MDGA2: variants seen among roughly 807,000 people sequenced by gnomAD.
MDGA2 encodes MAM domain containing glycosylphosphatidylinositol anchor 2.
Under a neutral mutation model 117.8 loss-of-function variants are expected in MDGA2, and 40 were observed. That is an observed-to-expected ratio of 0.34 (90% CI 0.26 to 0.44). MDGA2 has a LOEUF of 0.44. MDGA2 is among the 20% of genes least tolerant of loss of function. MDGA2 has a pLI of 1.00. For missense variants in MDGA2, 1,123 were observed against 1,250.6 expected (o/e 0.90, Z 1.54); for synonymous variants, 452 against 439.0 (o/e 1.03, Z -0.37).
intron 3 of MDGA2, among the ~76,000 whole-genome samples, chr14:47,155,882 CTTCTTCTTTTTTTTTTTTTTTT>C (rs1566654625): frequency 4.4e-4 from 17 of 38,820 alleles, no homozygotes; most frequent in South Asian, 1.8e-3. Context: ...TTTTCTTCTT[CTTCTTCTTTTTTTTTTTTTTTT>C]TTTTTTTTTT....
intron 1 of MDGA2, among the ~76,000 whole-genome samples, chr14:47,665,995 G>C (rs1897950393): frequency 6.6e-6 from 1 of 151,966 alleles, no homozygotes; most frequent in South Asian, 2.1e-4. Context: ...CCTGGTGCGA[G>C]ATCCACTGGG....
At chr14:47,152,798 G>A (rs1883213437) in intron 3 of MDGA2, among the ~76,000 whole-genome samples, 1 of 152,154 alleles carries the variant, frequency 6.6e-6, no homozygotes, top group Non-Finnish European at 1.5e-5. Context: ...AAGGCTACCT[G>A]AAAAGATGAT....
At chr14:47,563,578 GTTTTTTTTTTTTTTTTTTTTTT>G (rs56244321) in intron 1 of MDGA2, among the ~76,000 whole-genome samples, 6 of 56,974 alleles carry the variant, frequency 1.1e-4, no homozygotes, top group Non-Finnish European at 1.9e-4. Flanking sequence ...GCTTTTTTCT[GTTTTTTTTTTTTTTTTTTTTTT>G]TTTTTTTTTG....
At chr14:47,507,599 T>A (rs1047679627) in intron 1 of MDGA2, among the ~76,000 whole-genome samples, 1 of 152,180 alleles carries the variant, frequency 6.6e-6, no homozygotes, top group Non-Finnish European at 1.5e-5. Flanking sequence ...TGGCTATAAA[T>A]TATCAGACAC....
At chr14:47,484,693 A>G (rs1387824524) in intron 1 of MDGA2, among the ~76,000 whole-genome samples, 2 of 152,000 alleles carry the variant, frequency 1.3e-5, no homozygotes, top group African/African-American at 2.4e-5. Flanking sequence ...TGTGGGAGGG[A>G]CCCCGTGGGA....
intron 9 of MDGA2, among the ~76,000 whole-genome samples, chr14:46,956,202 C>A (rs1885556559): frequency 6.6e-6 from 1 of 152,038 alleles, no homozygotes; most frequent in Admixed American, 6.6e-5. Context: ...TTTATGACTT[C>A]TTTTTAGATA....
chr14:47,245,618 C>A (rs1887211878), intron 2 of MDGA2, among the ~76,000 whole-genome samples: 2 of 151,578 alleles, frequency 1.3e-5, no homozygotes, highest in South Asian at 4.2e-4. Flanking sequence ...CTGTCCTGAC[C>A]ACAGAAAATT....
At chr14:47,180,993 G>C (rs969779492) in intron 3 of MDGA2, among the ~76,000 whole-genome samples, 2 of 152,106 alleles carry the variant, frequency 1.3e-5, no homozygotes, top group Middle Eastern at 3.4e-3. Flanking sequence ...AGAGGAAAAC[G>C]ATCATTTATA....
rs372934713 is a variant in MDGA2, at chr14:47,659,469, C to T, written c.280+15048G>A. ...TCTTAAGAAAGTCTAAATTAGCTTT[C>T]GTCACAGCCAAAGACATTTAAATGG... On this transcript the variant is annotated intron_variant, in intron 1 of 16. Transcript: ENST00000399232. Among the ~76,000 whole-genome samples the T allele has an allele frequency of 6.4e-4, 98 of 152,264 alleles. No homozygotes were observed. In the South Asian group the frequency reaches 0.019, roughly 29 times the overall value.
intron 1 of MDGA2, among the ~76,000 whole-genome samples, chr14:47,598,145 G>T (rs898499502): frequency 2.0e-5 from 3 of 152,118 alleles, no homozygotes; most frequent in African/African-American, 7.2e-5. Flanking sequence ...TATTATGAAG[G>T]TTATCATTTT....
chr14:47,489,574 G>A (rs1370950002), intron 1 of MDGA2, among the ~76,000 whole-genome samples: 1 of 152,014 alleles, frequency 6.6e-6, no homozygotes, highest in Non-Finnish European at 1.5e-5. Flanking sequence ...AAATGGCACT[G>A]ATAATCCAAA....
chr14:47,312,778 C>T (rs1889684209), intron 1 of MDGA2, among the ~76,000 whole-genome samples: 1 of 148,158 alleles, frequency 6.7e-6, no homozygotes, highest in Admixed American at 6.8e-5. Flanking sequence ...GATCCTCCCA[C>T]CTCTGCCTCC....
rs1428993297 is a variant in MDGA2 at position 47,042,326 on chromosome 14, TTTG to T, written c.1526-7025_1526-7023del. Among the ~76,000 whole-genome samples, 452 of 131,724 alleles carry T rather than the reference TTTG, an allele frequency of 3.4e-3. 5 individuals are homozygous for T. The highest frequency in any genetic ancestry group is 0.011 in the African/African-American group (416 of 37,152). The allele number at this position is 131,724 out of a possible 152,430, so 86.4% of individuals were successfully genotyped here. ...ACCAAATCTATGTTTTTTTTTTTTT[TTTG>T]TGTGTGTGTGTGTGTGTATGCACAC... On this transcript the variant is annotated intron_variant, in intron 7 of 16. Coordinates refer to ENST00000399232, the MANE Select transcript of MDGA2 (RefSeq NM_001113498.3).
intron 1 of MDGA2, among the ~76,000 whole-genome samples, chr14:47,332,700 T>C (rs934690393): frequency 6.6e-6 from 1 of 151,970 alleles, no homozygotes; most frequent in African/African-American, 2.4e-5. Flanking sequence ...AAGTGCAGTT[T>C]TGTTACATGG....
chr14:47,370,000 T>G (rs1321216963), intron 1 of MDGA2, among the ~76,000 whole-genome samples: 2 of 152,044 alleles, frequency 1.3e-5, no homozygotes, highest in East Asian at 3.8e-4. Context: ...TCAGCCATCT[T>G]TTTAAAAAAT....
intron 4 of MDGA2, among the ~76,000 whole-genome samples, chr14:47,141,525 G>T (rs1351163950): frequency 1.3e-5 from 2 of 152,280 alleles, no homozygotes; most frequent in African/African-American, 2.4e-5. Flanking sequence ...ATGTTCTCCA[G>T]ATCCACCCAC....
At chr14:46,864,558 T>TG (rs1566497002) in intron 14 of MDGA2, among the ~76,000 whole-genome samples, 10 of 123,254 alleles carry the variant, frequency 8.1e-5, no homozygotes, top group African/African-American at 2.5e-4. Flanking sequence ...TTTTTTTTTT[T>TG]TTTTTTTTTT....
At chr14:47,106,541 A>G (rs1464748747) in intron 5 of MDGA2, among the ~76,000 whole-genome samples, 5 of 151,872 alleles carry the variant, frequency 3.3e-5, no homozygotes, top group African/African-American at 1.2e-4. Context: ...GCGGGACCCC[A>G]CTGAAAATCG....
chr14:47,585,725 C>G (rs1196223483), intron 1 of MDGA2, among the ~76,000 whole-genome samples: 2 of 151,840 alleles, frequency 1.3e-5, no homozygotes, highest in East Asian at 3.9e-4. Context: ...ACCCATCTCC[C>G]TCTCTCTACC....
Sources: allele counts gnomAD v4.1 joint callset (sites outside exome capture counted in the v4.1 genomes callset), GRCh38; gene constraint gnomAD v4.1.1; transcripts MANE v1.5; gene names NCBI Gene and HGNC (gene_info 2026-07-23, HGNC 2026-07-21).